Variants in KLHDC1 observed in about 807,000 individuals in gnomAD.
KLHDC1 encodes kelch domain-containing protein 1.
A neutral mutation model predicts 68.3 loss-of-function variants in KLHDC1; 53 were observed. The ratio of observed to expected loss-of-function variants is 0.78; its 90% confidence interval spans 0.62 to 0.98. The LOEUF is 0.98. KLHDC1 is among the 50% of genes least tolerant of loss of function. KLHDC1 has a pLI of 0.00. For synonymous variants in KLHDC1, 148 were observed against 159.0 expected, an observed-to-expected ratio of 0.93 and a Z score of 0.52; for missense variants, 470 against 492.3, an observed-to-expected ratio of 0.95 and a Z score of 0.43.
At chr14:49,740,705 G>A (rs964107791) in intron 11 of KLHDC1, among the ~76,000 whole-genome samples, 3 of 152,164 alleles carry the variant, frequency 2.0e-5, no homozygotes, top group African/African-American at 7.2e-5. Context: ...AGGTCTATTA[G>A]TTTGATTAGC....
chr14:49,724,211 C>T (rs978747301), intron 5 of KLHDC1, among the ~76,000 whole-genome samples: 1 of 152,040 alleles, frequency 6.6e-6, no homozygotes, highest in African/African-American at 2.4e-5. Context: ...TTCTGTTAGA[C>T]AGGTAGAGGC....
At chr14:49,729,033 T>C in intron 7 of KLHDC1, 24 bp downstream of exon 7, 1 of 1,469,474 alleles carries the variant, frequency 6.8e-7, no homozygotes, top group South Asian at 1.1e-5. Context: ...ATGGAAATGG[T>C]ATTTTTATGT....
Position 49,734,657 on chromosome 14 carries a change from C to G in KLHDC1, c.892C>G (p.Pro298Ala). The G allele has an allele frequency of 6.4e-7, 1 of 1,554,900 alleles. No individual in the cohort carries two copies. Among genetic ancestry groups the G allele is most frequent in the Non-Finnish European group, 8.8e-7 (1 of 1,135,992 alleles). Reference protein sequence around the residue: ...KQLTHLPKTRPRLWHTACLGK... With the variant: ...KQLTHLPKTRARLWHTACLGK... ...ACTTACACATTTACCTAAAACAAGA[C>G]CTAGGTAAGTCAAGAAATTGACAAA... Residue 298 changes from proline to alanine, a missense_variant, in exon 10 of 13, where the codon CCT (proline) becomes GCT (alanine). Coordinates refer to ENST00000359332, the MANE Select transcript of KLHDC1 (RefSeq NM_172193.3).
At position 49,713,850 on chromosome 14, in the gene KLHDC1, A is replaced by ATTTTTTTTTTT. The variant is rs869250721; in HGVS notation, c.404+3476_404+3486dup. 3.0e-4 allele frequency among the ~76,000 whole-genome samples: 15 copies of ATTTTTTTTTTT among 50,210 alleles called. 1 individual carries two copies. The highest frequency in any genetic ancestry group is 3.5e-4 in the African/African-American group (4 of 11,472). The allele number at this position is 50,210 out of a possible 152,430, so 32.9% of individuals were successfully genotyped here. A position where few individuals can be genotyped will look rare whatever the true frequency, so the allele number is the denominator to read the frequency against. ...TATATATATATATATATATATATAT[A>ATTTTTTTTTTT]TTTTTTTTTTTTTTTTTCCTGAGAC... is the stretch of plus-strand genomic sequence containing the variant. On this transcript the variant is annotated intron_variant, in intron 4 of 12. Coordinates refer to ENST00000359332, the MANE Select transcript of KLHDC1 (RefSeq NM_172193.3).
intron 1 of KLHDC1, among the ~76,000 whole-genome samples, chr14:49,699,895 A>G (rs1261191010): frequency 6.6e-6 from 1 of 152,228 alleles, no homozygotes; most frequent in Admixed American, 6.5e-5. Context: ...AAAGTTGTGA[A>G]TAGCTTTTCC....
At chr14:49,748,922 T>G (rs1049721732) in intron 12 of KLHDC1, among the ~76,000 whole-genome samples, 3 of 150,578 alleles carry the variant, frequency 2.0e-5, no homozygotes, top group African/African-American at 7.5e-5. Context: ...TGCCTCAGCC[T>G]CCCGAGTAGC....
chr14:49,732,630 A>C (rs1201978323), intron 8 of KLHDC1, 74 bp from the exon 9 acceptor site: 1 of 633,996 alleles, frequency 1.6e-6, no homozygotes, highest in Non-Finnish European at 2.6e-6. Context: ...TTTTTTTTTT[A>C]AGATCTAAGA....
intron 1 of KLHDC1, among the ~76,000 whole-genome samples, chr14:49,693,893 A>G (rs1003479932): frequency 6.6e-6 from 1 of 150,874 alleles, no homozygotes; most frequent in Admixed American, 6.6e-5. Context: ...AGCTGGGCTT[A>G]CCGGCATGTG....
Position 49,751,656 on chromosome 14 carries a change from C to G in KLHDC1, c.1105C>G (p.Leu369Val). The change falls in exon 13 of 13, where the codon CTT becomes GTT. Residue 369 changes from leucine (L) to valine (V), a missense_variant. Coordinates refer to ENST00000359332, the MANE Select transcript of KLHDC1 (RefSeq NM_172193.3). ...TCAGATATCTTTATTACCTCCTAAA[C>G]TTCTGCAACAAGTACTCAAAAAAAT... ...ESQISLLPPK[L>V]LQQVLKKITF... The G allele has an allele frequency of 6.2e-7, 1 of 1,605,108 alleles. No individual in the cohort carries two copies. Among genetic ancestry groups the G allele is most frequent in the Non-Finnish European group, 8.5e-7 (1 of 1,174,074 alleles).
chr14:49,725,734 A>G lies in KLHDC1; in HGVS notation c.532A>G (p.Thr178Ala). 1 of 1,585,050 alleles carries G rather than the reference A, an allele frequency of 6.3e-7. No homozygotes were observed. The highest frequency in any genetic ancestry group is 1.2e-5 in the South Asian group (1 of 86,532). ...GCATAATGATGTCCACATATTTGAC[A>G]CAAAGACACAGACTTGGTTTCAACC... ...GWHNDVHIFD[T>A]KTQTWFQPEI... The change falls in exon 6 of 13, where the codon ACA (threonine) becomes GCA (alanine). Residue 178 changes from threonine (T) to alanine (A), a missense_variant. Physicochemically the swap from Thr to Ala is moderately conservative, Grantham distance 58 (BLOSUM62 0). Transcript: ENST00000359332.
chr14:49,715,486 C>G (rs928492796), intron 4 of KLHDC1, among the ~76,000 whole-genome samples: 3 of 151,014 alleles, frequency 2.0e-5, no homozygotes, highest in Admixed American at 6.6e-5. Flanking sequence ...GTGGCTCACG[C>G]CTGTAAGCCC....
intron 4 of KLHDC1, among the ~76,000 whole-genome samples, chr14:49,716,572 C>T (rs1395467688): frequency 2.6e-5 from 4 of 151,762 alleles, no homozygotes; most frequent in Admixed American, 6.6e-5. Flanking sequence ...TTAGTAGAGG[C>T]GGGGTTTCAC....
At chr14:49,701,149 AT>A (rs1313168520) in intron 1 of KLHDC1, among the ~76,000 whole-genome samples, 2 of 152,158 alleles carry the variant, frequency 1.3e-5, no homozygotes, top group Non-Finnish European at 2.9e-5. Context: ...AAATAAGACT[AT>A]TTTGTATTTA....
chr14:49,736,245 T>C (rs931815324), intron 10 of KLHDC1, among the ~76,000 whole-genome samples: 27 of 152,212 alleles, frequency 1.8e-4, no homozygotes, highest in Non-Finnish European at 3.7e-4. Context: ...GAACTAGAGC[T>C]ATGTAAAGAG....
chr14:49,713,798 GTATATATATA>G (rs1174449263), intron 4 of KLHDC1, among the ~76,000 whole-genome samples: 30 of 58,516 alleles, frequency 5.1e-4, no homozygotes, highest in African/African-American at 1.2e-3. Context: ...GAGGCAGGAG[GTATATATATA>G]TATATATATA....
At chr14:49,742,982 G>C (rs1889101067) in intron 11 of KLHDC1, among the ~76,000 whole-genome samples, 1 of 148,308 alleles carries the variant, frequency 6.7e-6, no homozygotes, top group East Asian at 2.0e-4. Flanking sequence ...TGAGGTTGGA[G>C]GATGGCTTAA....
At chr14:49,729,869 G>A (rs1888760590) in intron 8 of KLHDC1, among the ~76,000 whole-genome samples, 1 of 152,148 alleles carries the variant, frequency 6.6e-6, no homozygotes, top group Non-Finnish European at 1.5e-5. Flanking sequence ...AGTAAAGTCG[G>A]ATTTTATTTG....
chr14:49,722,194 T>G (rs911656333), intron 4 of KLHDC1, among the ~76,000 whole-genome samples: 5 of 152,198 alleles, frequency 3.3e-5, no homozygotes, highest in Non-Finnish European at 7.3e-5. Flanking sequence ...TTGTTACATA[T>G]GTATACATGT....
At chr14:49,710,446 A>C (rs1888170108) in intron 4 of KLHDC1, 65 bp downstream of exon 4, 2 of 851,404 alleles carry the variant, frequency 2.3e-6, no homozygotes, top group South Asian at 1.4e-5. Flanking sequence ...TTTGGCTAAA[A>C]TACAGAATGC....
Sources: allele counts gnomAD v4.1 joint callset (sites outside exome capture counted in the v4.1 genomes callset), GRCh38; gene constraint gnomAD v4.1.1; transcripts MANE v1.5; gene names NCBI Gene and HGNC (gene_info 2026-07-23, HGNC 2026-07-21).